The following IL1RAPL2 variants were observed in gnomAD, a reference collection of about 807,000 sequenced individuals.
IL1RAPL2 encodes X-linked interleukin-1 receptor accessory protein-like 2.
IL1RAPL2 carries 3 observed loss-of-function variants against 44.1 expected under a neutral mutation model. The observed-to-expected ratio is 0.07, with a 90% CI of 0.03 to 0.18. IL1RAPL2 has a LOEUF of 0.18. Among genes scored for constraint, IL1RAPL2 ranks in the 10% least tolerant of loss-of-function variants. The probability of loss-of-function intolerance (pLI) is 1.00; values close to 1 mark genes in which losing one functional copy is unlikely to be tolerated. For missense variants in IL1RAPL2, 391 were observed against 496.4 expected, an observed-to-expected ratio of 0.79 and a Z score of 2.02; for synonymous variants, 181 against 178.8, an observed-to-expected ratio of 1.01 and a Z score of -0.10.
Position 104,794,919 on chromosome X carries a change from C to T in IL1RAPL2, c.82+135924C>T, listed in dbSNP as rs751576815. On this transcript the variant is annotated intron_variant, in intron 2 of 10. Transcript: ENST00000372582. ...TCCCCTTCCTCTTTATTCAGGTTTT[C>T]AGCATATACAATATGTGTATTAATT... Among the ~76,000 whole-genome samples, 10 of 111,635 alleles carry T rather than the reference C, an allele frequency of 9.0e-5. No individual in the cohort carries two copies. The East Asian group carries it at 1.7e-3, about 19-fold the overall frequency.
At position 104,844,822 on chromosome X, in the gene IL1RAPL2, A is replaced by C. The variant is rs752289352; in HGVS notation, c.82+185827A>C. Among the ~76,000 whole-genome samples, 4 of 112,025 alleles carry C rather than the reference A, an allele frequency of 3.6e-5. No homozygotes were observed. In the East Asian group the frequency reaches 1.1e-3, roughly 31 times the overall value. On this transcript the variant is annotated intron_variant, in intron 2 of 10. Transcript: ENST00000372582. Reference sequence around the variant, plus strand: ...CATAGCATATTTTGTGAAATGCTACATTAGATGAATCCTGCACCAAGTGTG... The same window carrying C: ...CATAGCATATTTTGTGAAATGCTACCTTAGATGAATCCTGCACCAAGTGTG...
At chrX:105,541,077 T>TCCAGGTAGGAAGA (rs1473912195) in intron 6 of IL1RAPL2, among the ~76,000 whole-genome samples, 1 of 105,657 alleles carries the variant, frequency 9.5e-6, no homozygotes, top group Non-Finnish European at 1.9e-5. Context: ...GGCAATAGCT[T>TCCAGGTAGGAAGA]CCTACCTGGT....
chrX:104,620,639 C>CA (rs771769782), intron 1 of IL1RAPL2, among the ~76,000 whole-genome samples: 1,871 of 14,567 alleles, frequency 0.13, 671 homozygotes, highest in Middle Eastern at 0.29. Context: ...GAGTCTGTCT[C>CA]AAAAAAAAAA....
chrX:104,981,638 C>T (rs12557221), intron 2 of IL1RAPL2, among the ~76,000 whole-genome samples: 45,810 of 109,317 alleles, frequency 0.42, 7,071 homozygotes, highest in East Asian at 0.46. Flanking sequence ...TGAGAGTGGG[C>T]ATCTTTTTCT....
At chrX:104,677,853 G>A (rs1190770276) in intron 2 of IL1RAPL2, among the ~76,000 whole-genome samples, 1 of 112,020 alleles carries the variant, frequency 8.9e-6, no homozygotes, top group Non-Finnish European at 1.9e-5. Flanking sequence ...GGAGTGACCC[G>A]ATTTTCCAGG....
rs1167983947 is a variant in IL1RAPL2 at position 105,173,289 on chromosome X, A to G, written c.83-22186A>G. Among the ~76,000 whole-genome samples, 4 of 112,042 alleles carry G rather than the reference A, an allele frequency of 3.6e-5. No homozygotes were observed. The Admixed American group carries it at 3.8e-4, about 11-fold the overall frequency. Reference sequence around the variant, plus strand: ...CTCAGTCACATTAAACAACCTAGCGATATGATGAATAACAACTGCGGGTTT... The same window carrying G: ...CTCAGTCACATTAAACAACCTAGCGGTATGATGAATAACAACTGCGGGTTT... On this transcript the variant is annotated intron_variant, in intron 2 of 10. Transcript: ENST00000372582.
chrX:105,165,165 C>T, intron 2 of IL1RAPL2, among the ~76,000 whole-genome samples: 1 of 111,753 alleles, frequency 8.9e-6, no homozygotes, highest in Admixed American at 9.5e-5. Context: ...TCTTTTCTTT[C>T]CTTCACCCTC....
At chrX:105,503,130 T>C (rs973603218) in intron 6 of IL1RAPL2, among the ~76,000 whole-genome samples, 8 of 111,181 alleles carry the variant, frequency 7.2e-5, no homozygotes, top group African/African-American at 2.6e-4. Flanking sequence ...AGCCTTAAGA[T>C]TGTATGATTA....
At chrX:104,600,528 C>CT (rs1290908805) in intron 1 of IL1RAPL2, among the ~76,000 whole-genome samples, 1,453 of 103,731 alleles carry the variant, frequency 0.014, 25 homozygotes, top group African/African-American at 0.047. Flanking sequence ...TTTTTTTCAA[C>CT]TTTTTTTTTT....
intron 5 of IL1RAPL2, among the ~76,000 whole-genome samples, chrX:105,417,066 G>T (rs1419401814): frequency 2.7e-5 from 3 of 112,362 alleles, no homozygotes; most frequent in Non-Finnish European, 5.6e-5. Flanking sequence ...AGCATTTAAT[G>T]ATCATCTAGC....
chrX:105,073,505 A>G (rs1269858852), intron 2 of IL1RAPL2, among the ~76,000 whole-genome samples: 2 of 110,310 alleles, frequency 1.8e-5, no homozygotes, highest in Non-Finnish European at 3.8e-5. Flanking sequence ...CAATAAACAT[A>G]TGTGTGCATG....
intron 2 of IL1RAPL2, among the ~76,000 whole-genome samples, chrX:104,862,516 T>C (rs1187396499): frequency 9.1e-6 from 1 of 110,107 alleles, no homozygotes; most frequent in Non-Finnish European, 1.9e-5. Context: ...TGTGAAAACA[T>C]AGGAAAAAGA....
chrX:105,435,336 A>G (rs2035874524), intron 5 of IL1RAPL2, among the ~76,000 whole-genome samples: 2 of 112,168 alleles, frequency 1.8e-5, no homozygotes, highest in South Asian at 3.7e-4. Flanking sequence ...TCAAAACCAC[A>G]ATGAGATACC....
At chrX:104,893,678 T>C (rs759868826) in intron 2 of IL1RAPL2, among the ~76,000 whole-genome samples, 26 of 111,855 alleles carry the variant, frequency 2.3e-4, no homozygotes, top group African/African-American at 8.1e-4. Context: ...AGTCTATGTG[T>C]GTTTCTGCAC....
intron 2 of IL1RAPL2, among the ~76,000 whole-genome samples, chrX:104,792,850 G>A (rs1183217289): frequency 8.0e-5 from 9 of 112,044 alleles, no homozygotes. Flanking sequence ...GATATTTATA[G>A]TATTAGGGGC....
intron 6 of IL1RAPL2, among the ~76,000 whole-genome samples, chrX:105,693,098 C>T (rs1197195380): frequency 3.6e-5 from 4 of 111,384 alleles, no homozygotes; most frequent in East Asian, 5.7e-4. Context: ...AAAAGGGTAG[C>T]GTATTCTTCT....
chrX:105,320,932 C>T (rs1006332667), intron 5 of IL1RAPL2, among the ~76,000 whole-genome samples: 1 of 111,556 alleles, frequency 9.0e-6, no homozygotes, highest in Non-Finnish European at 1.9e-5. Flanking sequence ...CACCATCTCT[C>T]TCTGGAAAAT....
intron 6 of IL1RAPL2, among the ~76,000 whole-genome samples, chrX:105,629,721 T>C (rs1313105278): frequency 8.9e-6 from 1 of 111,757 alleles, no homozygotes; most frequent in East Asian, 2.8e-4. Flanking sequence ...CTTCATGTTT[T>C]CCCCCAAATT....
At chrX:104,951,529 A>G (rs992802941) in intron 2 of IL1RAPL2, among the ~76,000 whole-genome samples, 1 of 112,683 alleles carries the variant, frequency 8.9e-6, no homozygotes, top group Non-Finnish European at 1.9e-5. Flanking sequence ...CTTGGCTTCT[A>G]TTGTAAAATT....
Sources: allele counts gnomAD v4.1 joint callset (sites outside exome capture counted in the v4.1 genomes callset), GRCh38; gene constraint gnomAD v4.1.1; transcripts MANE v1.5; gene names NCBI Gene and HGNC (gene_info 2026-07-23, HGNC 2026-07-21).